Variants in AKAP13 observed in about 807,000 individuals in gnomAD.
AKAP13 encodes the protein A-kinase anchor protein 13.
Under a neutral mutation model 264.5 loss-of-function variants are expected in AKAP13, and 80 were observed. The ratio of observed to expected loss-of-function variants is 0.30; its 90% CI spans 0.25 to 0.36. The LOEUF is 0.36. AKAP13 is among the 10% of genes least tolerant of loss of function. AKAP13 has a pLI of 1.00. For synonymous variants in AKAP13, 1,380 were observed against 1,250.2 expected (o/e 1.10, Z -2.19); for missense variants, 3,712 against 3,435.2 (o/e 1.08, Z -2.01).
At chr15:85,556,065 C>T (rs562858153) in intron 5 of AKAP13, among the ~76,000 whole-genome samples, 1 of 152,218 alleles carries the variant, frequency 6.6e-6, no homozygotes, top group East Asian at 1.9e-4. Context: ...GAAGGAGGCA[C>T]ATAAGTTTTA....
chr15:85,631,756 A>T (rs1341026711), intron 8 of AKAP13, among the ~76,000 whole-genome samples: 2 of 152,210 alleles, frequency 1.3e-5, no homozygotes, highest in Admixed American at 1.3e-4. Flanking sequence ...GATAAACGGG[A>T]ACTTTCTGTG....
At chr15:85,728,854 A>AT (rs200020735) in intron 29 of AKAP13, among the ~76,000 whole-genome samples, 7,828 of 149,856 alleles carry the variant, frequency 0.052, 282 homozygotes, top group Middle Eastern at 0.12. Flanking sequence ...AAAAAAAAAA[A>AT]TTTTTTTTTT....
chr15:85,613,713 T>TATGTGTGTG (rs1254657975), intron 8 of AKAP13, among the ~76,000 whole-genome samples: 2 of 110,988 alleles, frequency 1.8e-5, no homozygotes, highest in African/African-American at 6.8e-5. Flanking sequence ...TATATATATA[T>TATGTGTGTG]TAGGAGTGCT....
At chr15:85,578,377 T>A (rs967853412) in intron 6 of AKAP13, among the ~76,000 whole-genome samples, 1 of 152,236 alleles carries the variant, frequency 6.6e-6, no homozygotes, top group Non-Finnish European at 1.5e-5. Context: ...GACGGAGTTT[T>A]GCTCTTATTG....
intron 14 of AKAP13, among the ~76,000 whole-genome samples, chr15:85,681,180 C>T (rs1433053284): frequency 6.6e-6 from 1 of 152,142 alleles, no homozygotes; most frequent in Non-Finnish European, 1.5e-5. Flanking sequence ...GTTTTGCTTA[C>T]AGTAATCTCA....
chr15:85,736,933 T>C (rs1406384892), intron 33 of AKAP13, among the ~76,000 whole-genome samples: 2 of 149,728 alleles, frequency 1.3e-5, no homozygotes, highest in Non-Finnish European at 3.0e-5. Context: ...TTTTTTTTTT[T>C]TCTGGGGATG....
rs367941796 is a variant in AKAP13, at chr15:85,723,455, C to G, written c.6745+135C>G. 3.9e-5 allele frequency: 49 copies of G among 1,250,404 alleles called. No individual in the cohort carries two copies. The East Asian group carries it at 1.0e-3, about 26-fold the overall frequency. 77.5% of individuals were successfully genotyped at this position (1,250,404 alleles called of 1,614,324 possible). The stretch of plus-strand genomic sequence containing the variant: ...CTAAACACTACCCAGGAGCAACAAG[C>G]ATTTAGTTCTTCGTAATCTTATATC... On this transcript the variant is annotated intron_variant, in intron 26 of 36. Transcript: ENST00000394518.
chr15:85,731,884 A>G (rs985982439), intron 30 of AKAP13, among the ~76,000 whole-genome samples: 1 of 152,090 alleles, frequency 6.6e-6, no homozygotes, highest in Non-Finnish European at 1.5e-5. Flanking sequence ...GGAGTTCAAG[A>G]CCAGCGTGGC....
At chr15:85,450,743 T>G (rs1466588303) in intron 1 of AKAP13, among the ~76,000 whole-genome samples, 1 of 152,194 alleles carries the variant, frequency 6.6e-6, no homozygotes, top group Non-Finnish European at 1.5e-5. Flanking sequence ...TTTGGTTTCT[T>G]TTACTTTTGT....
chr15:85,466,445 T>C (rs1324386430), intron 1 of AKAP13, among the ~76,000 whole-genome samples: 1 of 152,202 alleles, frequency 6.6e-6, no homozygotes, highest in East Asian at 1.9e-4. Context: ...ATGTCCTGAA[T>C]GGTAATGCCT....
At chr15:85,476,495 A>G (rs2075168054) in intron 1 of AKAP13, among the ~76,000 whole-genome samples, 1 of 152,236 alleles carries the variant, frequency 6.6e-6, no homozygotes, top group African/African-American at 2.4e-5. Context: ...GGCAAGAAGA[A>G]TAGGAGCTTA....
chr15:85,738,251 G>A (rs1433282638), intron 33 of AKAP13, among the ~76,000 whole-genome samples: 1 of 151,638 alleles, frequency 6.6e-6, no homozygotes, highest in African/African-American at 2.4e-5. Context: ...TATTAGCCAG[G>A]CATGGTGGTG....
rs1312985001 is a variant in AKAP13, at chr15:85,746,458, T to G, written c.*1781T>G. 6.6e-6 allele frequency: 1 copy of G among 152,114 alleles called. No homozygotes were observed. Among genetic ancestry groups the G allele is most frequent in the Non-Finnish European group, 1.5e-5 (1 of 68,028 alleles). The allele number at this position is 152,114 out of a possible 1,614,324, so 9.4% of individuals were successfully genotyped here. ...TGAAATTTTAAAGGGAGGGGGTCCA[T>G]GTCCTTCCCTCCCCCACCCCGCCTC... On this transcript the variant is annotated 3_prime_UTR_variant, in exon 37 of 37. Transcript: ENST00000394518.
chr15:85,696,098 T>A (rs2151647372), intron 17 of AKAP13, among the ~76,000 whole-genome samples: 1 of 152,334 alleles, frequency 6.6e-6, no homozygotes, highest in African/African-American at 2.4e-5. Flanking sequence ...TTCCAAGAGC[T>A]CATTCTAAAA....
At position 85,730,715 on chromosome 15, in the gene AKAP13, A is replaced by T; in HGVS notation, c.7282+8A>T. 6.2e-7 allele frequency: 1 copy of T among 1,607,488 alleles called. No individual in the cohort carries two copies. Among genetic ancestry groups the T allele is most frequent in the African/African-American group, 1.3e-5 (1 of 74,922 alleles). The stretch of plus-strand genomic sequence containing the variant: ...AAAGTGCAATAAATGAGGGTAATTA[A>T]CATTCAGCATTGCCCCCTCTTCATC... On this transcript the variant is annotated splice_region_variant and intron_variant, in intron 30 of 36. Transcript: ENST00000394518.
intron 1 of AKAP13, among the ~76,000 whole-genome samples, chr15:85,450,215 G>A (rs1434847294): frequency 1.4e-4 from 21 of 152,042 alleles, no homozygotes; most frequent in Admixed American, 1.4e-3. Context: ...AGAGGTGTTT[G>A]TAGTAGTTTC....
At chr15:85,415,849 A>T (rs1166833884) in intron 1 of AKAP13, among the ~76,000 whole-genome samples, 1 of 152,204 alleles carries the variant, frequency 6.6e-6, no homozygotes, top group Non-Finnish European at 1.5e-5. Flanking sequence ...GCTAATAAAA[A>T]AAATGAGATG....
intron 1 of AKAP13, among the ~76,000 whole-genome samples, chr15:85,483,806 A>C (rs1567080942): frequency 6.6e-6 from 1 of 152,086 alleles, no homozygotes; most frequent in South Asian, 2.1e-4. Flanking sequence ...GCGAGACTCC[A>C]TCTCAAAAAC....
At chr15:85,450,233 T>C (rs1272503820) in intron 1 of AKAP13, among the ~76,000 whole-genome samples, 1 of 152,124 alleles carries the variant, frequency 6.6e-6, no homozygotes, top group Non-Finnish European at 1.5e-5. Flanking sequence ...TTCTCATGAT[T>C]GTTTTTATTT....
Sources: allele counts gnomAD v4.1 joint callset (sites outside exome capture counted in the v4.1 genomes callset), GRCh38; gene constraint gnomAD v4.1.1; transcripts MANE v1.5; gene names NCBI Gene and HGNC (gene_info 2026-07-23, HGNC 2026-07-21).